Variants in CDH10 observed in about 807,000 individuals in gnomAD.
The protein encoded by CDH10 is cadherin 10.
A neutral mutation model predicts 73.1 loss-of-function variants in CDH10; 30 were observed. The ratio of observed to expected loss-of-function variants is 0.41; its 90% CI spans 0.31 to 0.56. The LOEUF is 0.56. Among genes scored for constraint, CDH10 ranks in the 20% least tolerant of loss-of-function variants. The pLI, the probability that CDH10 is intolerant of heterozygous loss-of-function variation, is 0.27. For synonymous variants in CDH10, 345 were observed against 348.2 expected (o/e 0.99, Z 0.10); for missense variants, 815 against 973.7 (o/e 0.84, Z 2.17).
rs577768847 is a variant in CDH10 at position 24,610,597 on chromosome 5, A to C, written c.-123-16984T>G. Among the ~76,000 whole-genome samples the C allele has an allele frequency of 2.0e-5, 3 of 152,340 alleles. No individual in the cohort carries two copies. In the South Asian group the frequency reaches 6.2e-4, roughly 32 times the overall value. On this transcript the variant is annotated intron_variant, in intron 1 of 11. Coordinates refer to ENST00000264463, the MANE Select transcript of CDH10 (RefSeq NM_006727.5). ...GAATGGAATTATGATCTGTGAATAT[A>C]GAGATTATATATTGATTTAATTTAT... is the stretch of plus-strand genomic sequence containing the variant.
chr5:24,610,859 T>C (rs1431838355), intron 1 of CDH10, among the ~76,000 whole-genome samples: 2 of 152,192 alleles, frequency 1.3e-5, no homozygotes, highest in Admixed American at 6.5e-5. Flanking sequence ...CCTAAGACTG[T>C]AACAATTGCT....
chr5:24,631,277 G>A lies in CDH10; in HGVS notation c.-124+13317C>T, dbSNP rs58400372. Among the ~76,000 whole-genome samples the A allele has an allele frequency of 7.7e-3, 1,170 of 152,114 alleles. 14 individuals are homozygous for A. Among genetic ancestry groups the A allele is most frequent in the African/African-American group, 0.026 (1,063 of 41,512 alleles). On this transcript the variant is annotated intron_variant, in intron 1 of 11. Coordinates refer to ENST00000264463, the MANE Select transcript of CDH10 (RefSeq NM_006727.5). ...TTCTGTGAAATTTTCATAGTATATT[G>A]TAATTTCTGACCTCTGGAAAACACC...
intron 5 of CDH10, among the ~76,000 whole-genome samples, chr5:24,517,452 C>G (rs955988573): frequency 1.1e-4 from 17 of 152,000 alleles, no homozygotes; most frequent in African/African-American, 4.1e-4. Flanking sequence ...AGTGAGATAT[C>G]AAAGATTAAT....
chr5:24,608,585 C>T (rs1386467123), intron 1 of CDH10, among the ~76,000 whole-genome samples: 2 of 152,208 alleles, frequency 1.3e-5, no homozygotes, highest in Admixed American at 6.5e-5. Flanking sequence ...GCCACCGCAC[C>T]TGGCCTACAT....
At chr5:24,604,262 G>A (rs1746674319) in intron 1 of CDH10, among the ~76,000 whole-genome samples, 1 of 152,022 alleles carries the variant, frequency 6.6e-6, no homozygotes, top group African/African-American at 2.4e-5. Context: ...TGGGAGGATT[G>A]CTTGAGCCCA....
chr5:24,602,023 T>G (rs2112120208), intron 1 of CDH10, among the ~76,000 whole-genome samples: 1 of 152,246 alleles, frequency 6.6e-6, no homozygotes, highest in African/African-American at 2.4e-5. Flanking sequence ...ATGTCTGACT[T>G]TTTTTGTAGT....
At chr5:24,498,206 A>C (rs1213954016) in intron 9 of CDH10, among the ~76,000 whole-genome samples, 192 bp downstream of exon 9, 2 of 152,238 alleles carry the variant, frequency 1.3e-5, no homozygotes, top group African/African-American at 4.8e-5. Context: ...TTACAAAGGA[A>C]ATATGAAACT....
Position 24,622,550 on chromosome 5 carries a change from A to G in CDH10, c.-124+22044T>C, listed in dbSNP as rs572947613. Among the ~76,000 whole-genome samples the G allele has an allele frequency of 3.9e-5, 6 of 152,306 alleles. No individual in the cohort carries two copies. The South Asian group carries it at 1.0e-3, about 26-fold the overall frequency. On this transcript the variant is annotated intron_variant, in intron 1 of 11. Transcript: ENST00000264463. ...TAGTGTTCTGATTAGAGAATGGATTACCATTCTAAAGCCCAGCCAGTTTTG... is the reference window on the plus strand; with the variant it reads ...TAGTGTTCTGATTAGAGAATGGATTGCCATTCTAAAGCCCAGCCAGTTTTG...
intron 1 of CDH10, among the ~76,000 whole-genome samples, chr5:24,606,376 C>T (rs1345394362): frequency 3.3e-5 from 5 of 152,080 alleles, no homozygotes; most frequent in African/African-American, 4.8e-5. Context: ...TTTGGGAGGT[C>T]AAGGTGGGTG....
chr5:24,538,218 C>T lies in CDH10; in HGVS notation c.232-544G>A, dbSNP rs183255910. ...ATTTTTTGGTTTATACAATAGACAGCGATTACCCCACAAATATTTGTAGTA... is the reference window on the plus strand; with the variant it reads ...ATTTTTTGGTTTATACAATAGACAGTGATTACCCCACAAATATTTGTAGTA... On this transcript the variant is annotated intron_variant, in intron 2 of 11. Transcript: ENST00000264463. 4.6e-5 allele frequency among the ~76,000 whole-genome samples: 7 copies of T among 152,016 alleles called. No homozygotes were observed. The South Asian group carries it at 1.2e-3, about 27-fold the overall frequency.
At chr5:24,535,355 AT>A in intron 4 of CDH10, 76 bp from the exon 5 acceptor site, 2 of 1,362,864 alleles carry the variant, frequency 1.5e-6, no homozygotes, top group African/African-American at 1.5e-5. Flanking sequence ...CACAAAAAGT[AT>A]TTTTAAGCTA....
At chr5:24,622,640 C>T (rs1263897463) in intron 1 of CDH10, among the ~76,000 whole-genome samples, 2 of 152,126 alleles carry the variant, frequency 1.3e-5, no homozygotes, top group Non-Finnish European at 2.9e-5. Flanking sequence ...ACTCTAACTC[C>T]TCTTCAGGTC....
At chr5:24,572,382 G>A (rs1413607949) in intron 2 of CDH10, among the ~76,000 whole-genome samples, 1 of 152,060 alleles carries the variant, frequency 6.6e-6, no homozygotes, top group Non-Finnish European at 1.5e-5. Context: ...CTTCTTTGAA[G>A]AAACCAAGAG....
intron 2 of CDH10, among the ~76,000 whole-genome samples, chr5:24,586,870 A>T (rs570009210): frequency 1.1e-4 from 7 of 66,300 alleles, no homozygotes; most frequent in African/African-American, 6.7e-4. Flanking sequence ...TTTGAGCCGG[A>T]GTCTCGCTCT....
At chr5:24,625,760 CT>C (rs1174057162) in intron 1 of CDH10, among the ~76,000 whole-genome samples, 1 of 151,482 alleles carries the variant, frequency 6.6e-6, no homozygotes, top group Non-Finnish European at 1.5e-5. Context: ...TTTGAAGCAT[CT>C]TAGGCTCTTG....
At chr5:24,591,073 CAA>C (rs1318066102) in intron 2 of CDH10, among the ~76,000 whole-genome samples, 1 of 151,876 alleles carries the variant, frequency 6.6e-6, no homozygotes, top group East Asian at 1.9e-4. Flanking sequence ...ATTTTAGCCT[CAA>C]GTTATATTTA....
intron 1 of CDH10, among the ~76,000 whole-genome samples, chr5:24,605,248 T>C (rs917990192): frequency 3.3e-5 from 5 of 152,186 alleles, no homozygotes; most frequent in African/African-American, 1.2e-4. Flanking sequence ...AGGGATATAG[T>C]ATAGGTCTAT....
chr5:24,556,502 T>C (rs1166121307), intron 2 of CDH10, among the ~76,000 whole-genome samples: 1 of 151,894 alleles, frequency 6.6e-6, no homozygotes, highest in Non-Finnish European at 1.5e-5. Context: ...CCAAAAATAT[T>C]TTAAACATTT....
chr5:24,601,475 G>C (rs1434843104), intron 1 of CDH10, among the ~76,000 whole-genome samples: 2 of 152,102 alleles, frequency 1.3e-5, no homozygotes, highest in Admixed American at 1.3e-4. Flanking sequence ...AGACATCCCA[G>C]CTAGCTTCCA....
Sources: allele counts gnomAD v4.1 joint callset (sites outside exome capture counted in the v4.1 genomes callset), GRCh38; gene constraint gnomAD v4.1.1; transcripts MANE v1.5; gene names NCBI Gene and HGNC (gene_info 2026-07-23, HGNC 2026-07-21).